The following RETREG1 variants were observed in gnomAD, a reference collection of about 807,000 sequenced individuals.
RETREG1 encodes family with sequence similarity 134 member B.
In RETREG1, 44 loss-of-function variants were observed where a neutral mutation model predicts 54.8. The observed-to-expected ratio is 0.80, with a 90% CI of 0.63 to 1.03. The LOEUF is 1.03. RETREG1 is among the 50% of genes least tolerant of loss of function. The pLI is 0.00. For synonymous variants in RETREG1, 217 were observed against 238.5 expected (o/e 0.91, Z 0.83); for missense variants, 554 against 605.1 (o/e 0.92, Z 0.89).
At chr5:16,613,844 T>C (rs1464214585) in intron 1 of RETREG1, among the ~76,000 whole-genome samples, 1 of 151,500 alleles carries the variant, frequency 6.6e-6, no homozygotes, top group Admixed American at 6.6e-5. Context: ...TGAGAAGAAA[T>C]ACATTATTTA....
intron 2 of RETREG1, 100 bp from the exon 3 acceptor site, chr5:16,565,893 C>T: frequency 3.1e-6 from 4 of 1,271,022 alleles, no homozygotes; most frequent in Non-Finnish European, 4.5e-6. Context: ...AAGTGGAATG[C>T]TCAGATCTCT....
chr5:16,613,584 G>A (rs1330754363), intron 1 of RETREG1, among the ~76,000 whole-genome samples: 4 of 152,156 alleles, frequency 2.6e-5, no homozygotes, highest in Non-Finnish European at 5.9e-5. Context: ...AAGCTTTTGA[G>A]TCAAATTCAG....
At chr5:16,479,028 TC>T (rs765985980) in intron 5 of RETREG1, 41 bp from the exon 6 acceptor site, 12 of 1,599,704 alleles carry the variant, frequency 7.5e-6, no homozygotes, top group Non-Finnish European at 1.0e-5. Context: ...GCCTTTCCTT[TC>T]AAAAGGCTAC....
intron 1 of RETREG1, among the ~76,000 whole-genome samples, chr5:16,611,073 G>T (rs1743328762): frequency 6.6e-6 from 1 of 152,194 alleles, no homozygotes; most frequent in South Asian, 2.1e-4. Flanking sequence ...ATACTATGCA[G>T]CCATAAAAAA....
rs1419788112 is a variant in RETREG1 at position 16,561,112 on chromosome 5, A to AC, written c.458+4650dup. On this transcript the variant is annotated intron_variant, in intron 3 of 8. Coordinates refer to ENST00000306320, the MANE Select transcript of RETREG1 (RefSeq NM_001034850.3). This position sits in a 1 kb window ranked among gnomAD's most constrained non-coding sequence, Gnocchi z 4.2. ...CCGAAAGAGAAGTGAAGTTGGCAGG[A>AC]CCACGAGCTGCAGGGTTGGGACCAG... Among the ~76,000 whole-genome samples, 2 of 152,186 alleles carry AC rather than the reference A, an allele frequency of 1.3e-5. No homozygotes were observed. Among genetic ancestry groups the AC allele is most frequent in the African/African-American group, 4.8e-5 (2 of 41,428 alleles).
chr5:16,565,882 A>C (rs1218131193), intron 2 of RETREG1, 89 bp from the exon 3 acceptor site: 1 of 1,365,950 alleles, frequency 7.3e-7, no homozygotes, highest in Non-Finnish European at 1.0e-6. Context: ...CAAGCTATTT[A>C]AAGTGGAATG....
At chr5:16,610,569 C>T (rs543251403) in intron 1 of RETREG1, among the ~76,000 whole-genome samples, 8 of 152,070 alleles carry the variant, frequency 5.3e-5, no homozygotes, top group Non-Finnish European at 7.4e-5. Flanking sequence ...AAGAACAAAT[C>T]GAACAACCCC....
At chr5:16,608,188 C>T (rs1743247866) in intron 1 of RETREG1, among the ~76,000 whole-genome samples, 1 of 152,174 alleles carries the variant, frequency 6.6e-6, no homozygotes, top group Non-Finnish European at 1.5e-5. Context: ...CCCACTCTCA[C>T]TGTCTTTAAA....
At chr5:16,606,101 A>G (rs1036756423) in intron 1 of RETREG1, among the ~76,000 whole-genome samples, 9 of 152,174 alleles carry the variant, frequency 5.9e-5, no homozygotes, top group African/African-American at 2.2e-4. Context: ...ACAATACTGC[A>G]GCGAGGAGGT....
At chr5:16,595,745 C>T (rs1046467579) in intron 1 of RETREG1, among the ~76,000 whole-genome samples, 12 of 152,110 alleles carry the variant, frequency 7.9e-5, no homozygotes, top group African/African-American at 2.7e-4. Context: ...TTAGCAAACC[C>T]GGGCTCATTT....
chr5:16,535,585 A>G (rs13160988), intron 3 of RETREG1, among the ~76,000 whole-genome samples: 1 of 146,494 alleles, frequency 6.8e-6, no homozygotes, highest in Non-Finnish European at 1.5e-5. Context: ...TGCCTTCACA[A>G]AGTGGGAGCT....
In RETREG1 at chr5:16,572,084, T is replaced by C. The variant is rs372182225; in HGVS notation, c.339A>G (p.Pro113=). 192 of 1,613,176 alleles carry C rather than the reference T, an allele frequency of 1.2e-4. No homozygotes were observed. Among genetic ancestry groups the C allele is most frequent in the Non-Finnish European group, 1.5e-4 (180 of 1,179,240 alleles). Residue 113 remains proline (P), a synonymous_variant, in exon 2 of 9, where the codon CCA becomes CCG. Transcript: ENST00000306320. ...CGGAAATCAGGTGATATACTCTCCA[T>C]GGAGTCAATGCAAGGAACCTGCAAC... ...NLLFWFLALT[P]WRVYHLISVM...
At chr5:16,614,398 A>C (rs149290574) in intron 1 of RETREG1, among the ~76,000 whole-genome samples, 34 of 152,350 alleles carry the variant, frequency 2.2e-4, no homozygotes, top group Non-Finnish European at 3.7e-4. Context: ...TAAATGGTAA[A>C]TGTGGTAGTT....
At chr5:16,487,463 T>C (rs1739062920) in intron 3 of RETREG1, among the ~76,000 whole-genome samples, 1 of 152,180 alleles carries the variant, frequency 6.6e-6, no homozygotes. Flanking sequence ...CATCCCCAAC[T>C]TTCCATCCTC....
At chr5:16,476,814 A>G (rs1426589750) in intron 8 of RETREG1, among the ~76,000 whole-genome samples, 1 of 152,180 alleles carries the variant, frequency 6.6e-6, no homozygotes, top group Non-Finnish European at 1.5e-5. Flanking sequence ...TGCTGGGCTT[A>G]ATACCTAGGT....
At chr5:16,598,676 T>C (rs1742968536) in intron 1 of RETREG1, among the ~76,000 whole-genome samples, 1 of 152,194 alleles carries the variant, frequency 6.6e-6, no homozygotes, top group African/African-American at 2.4e-5. Flanking sequence ...AGTTGCTGCT[T>C]TCCATGTCAT....
rs181257519 is a variant in RETREG1 at position 16,490,944 on chromosome 5, T to A, written c.459-7472A>T. Among the ~76,000 whole-genome samples the A allele has an allele frequency of 2.6e-5, 4 of 152,266 alleles. No homozygotes were observed. The East Asian group carries it at 7.7e-4, about 29-fold the overall frequency. ...GGTGAAACTCCTTGGTCCTAAGGCATCTAGATTCTTATTTTCTCTCTGAAC... is the reference window on the plus strand; with the variant it reads ...GGTGAAACTCCTTGGTCCTAAGGCAACTAGATTCTTATTTTCTCTCTGAAC... On this transcript the variant is annotated intron_variant, in intron 3 of 8. Coordinates refer to ENST00000306320, the MANE Select transcript of RETREG1 (RefSeq NM_001034850.3).
chr5:16,553,239 T>C (rs925425850), intron 3 of RETREG1, among the ~76,000 whole-genome samples: 16 of 151,990 alleles, frequency 1.1e-4, no homozygotes, highest in Admixed American at 7.9e-4. Context: ...TGTGATATAG[T>C]CCACATGATG....
chr5:16,538,671 A>C (rs1741147989), intron 3 of RETREG1, among the ~76,000 whole-genome samples: 1 of 151,802 alleles, frequency 6.6e-6, no homozygotes, highest in Non-Finnish European at 1.5e-5. Context: ...ACATAACCTT[A>C]GCATCAAGAA....
Sources: gnomAD v4.1 joint callset for allele counts (sites outside exome capture counted in the v4.1 genomes callset) on GRCh38, gnomAD v4.1.1 for gene constraint, Gnocchi (gnomAD v3.1) non-coding constraint, MANE v1.5 for transcripts, NCBI Gene and HGNC (gene_info 2026-07-23, HGNC 2026-07-21) for gene names.